The following NUSAP1 variants were observed in gnomAD, a reference collection of about 807,000 sequenced individuals.
NUSAP1 encodes nucleolar and spindle associated protein 1, also known as nucleolar and spindle-associated protein 1.
NUSAP1 carries 32 observed loss-of-function variants against 52.8 expected under a neutral mutation model. The observed-to-expected ratio is 0.61, with a 90% CI of 0.46 to 0.81. The LOEUF is 0.81. NUSAP1 is among the 40% of genes least tolerant of loss of function. The probability of loss-of-function intolerance (pLI) is 0.00; values close to 1 mark genes in which losing one functional copy is unlikely to be tolerated. For missense variants in NUSAP1, 499 were observed against 522.3 expected (o/e 0.96, Z 0.43); for synonymous variants, 195 against 183.1 (o/e 1.06, Z -0.52).
intron 6 of NUSAP1, among the ~76,000 whole-genome samples, chr15:41,365,164 T>A (rs2049340287): frequency 6.6e-6 from 1 of 152,124 alleles, no homozygotes; most frequent in Non-Finnish European, 1.5e-5. Context: ...GTCTTTTTGT[T>A]TGTTTTTTGT....
intron 7 of NUSAP1, 105 bp from the exon 8 acceptor site, chr15:41,371,422 G>T: frequency 2.3e-6 from 2 of 868,780 alleles, no homozygotes; most frequent in Non-Finnish European, 3.4e-6. Context: ...TATTAATTGA[G>T]GCCCTTTTCA....
chr15:41,371,759 C>T, intron 8 of NUSAP1, 75 bp downstream of exon 8: 1 of 1,477,850 alleles, frequency 6.8e-7, no homozygotes, highest in Non-Finnish European at 9.0e-7. Context: ...TTAGGTATAT[C>T]TGTTTTTTTT....
At chr15:41,355,896 T>C in intron 4 of NUSAP1, 143 bp from the exon 5 acceptor site, 1 of 563,446 alleles carries the variant, frequency 1.8e-6, no homozygotes, top group South Asian at 2.0e-5. Flanking sequence ...GCCAGGATGG[T>C]CTTGATCTTC....
Position 41,372,769 on chromosome 15 carries a change from A to C in NUSAP1, c.1006+1085A>C, listed in dbSNP as rs550907959. 2.6e-5 allele frequency among the ~76,000 whole-genome samples: 4 copies of C among 152,190 alleles called. No individual in the cohort carries two copies. In the South Asian group the frequency reaches 6.2e-4, roughly 24 times the overall value. On this transcript the variant is annotated intron_variant, in intron 8 of 10. Transcript: ENST00000559596. The stretch of plus-strand genomic sequence containing the variant: ...ATGTAGGCAAGGGTTCACATTTGGC[A>C]ATGACCTGTGGCTTCCCCCTATGAA...
intron 7 of NUSAP1, among the ~76,000 whole-genome samples, chr15:41,368,161 C>G (rs1387580063): frequency 2.6e-5 from 4 of 152,138 alleles, no homozygotes; most frequent in African/African-American, 9.7e-5. Flanking sequence ...GCTGACAGCA[C>G]TCTGAAATAT....
intron 10 of NUSAP1, among the ~76,000 whole-genome samples, chr15:41,378,944 GTTTTTTTTTT>G (rs1187469450): frequency 2.7e-4 from 17 of 63,258 alleles, no homozygotes; most frequent in East Asian, 1.2e-3. Flanking sequence ...ACTTATCTTG[GTTTTTTTTTT>G]TTTTTTTTTT....
intron 1 of NUSAP1, among the ~76,000 whole-genome samples, chr15:41,335,548 G>A (rs1342567682): frequency 7.4e-6 from 1 of 134,530 alleles, no homozygotes; most frequent in Non-Finnish European, 1.5e-5. Context: ...ATACTAATAT[G>A]TATACTAAAT....
chr15:41,375,700 G>A lies in NUSAP1; in HGVS notation c.1007-12G>A. 6.5e-7 allele frequency: 1 copy of A among 1,542,768 alleles called. No homozygotes were observed. Among genetic ancestry groups the A allele is most frequent in the Non-Finnish European group, 9.0e-7 (1 of 1,116,686 alleles). On this transcript the variant is annotated splice_polypyrimidine_tract_variant and intron_variant, in intron 8 of 10. Transcript: ENST00000559596. The stretch of plus-strand genomic sequence containing the variant: ...CTAATTAAGCTCTTGGGTTTTTTCG[G>A]TGTGTTTTTAGTTATTACCCCATTC...
chr15:41,379,402 T>G (rs769493809), intron 10 of NUSAP1, among the ~76,000 whole-genome samples: 49 of 152,204 alleles, frequency 3.2e-4, no homozygotes, highest in Middle Eastern at 3.4e-3. Context: ...GCACAAGGGA[T>G]CCTCCCACCT....
At chr15:41,379,925 C>T (rs779309991) in intron 10 of NUSAP1, among the ~76,000 whole-genome samples, 168 bp from the exon 11 acceptor site, 3 of 152,118 alleles carry the variant, frequency 2.0e-5, no homozygotes, top group Non-Finnish European at 4.4e-5. Context: ...CAATGACGAA[C>T]AGGTGTTAGA....
At chr15:41,337,459 C>A (rs1172800499) in intron 1 of NUSAP1, among the ~76,000 whole-genome samples, 1 of 152,000 alleles carries the variant, frequency 6.6e-6, no homozygotes, top group East Asian at 1.9e-4. Context: ...CAATTAGAGC[C>A]TCTCTCCTCA....
chr15:41,365,726 T>A (rs1187084177), intron 7 of NUSAP1, 137 bp downstream of exon 7: 2 of 404,588 alleles, frequency 4.9e-6, no homozygotes, highest in African/African-American at 2.1e-5. Flanking sequence ...TTCTTTTTCT[T>A]TTTTTTTTTT....
chr15:41,366,703 A>C (rs1431852446), intron 7 of NUSAP1, among the ~76,000 whole-genome samples: 2 of 151,928 alleles, frequency 1.3e-5, no homozygotes, highest in African/African-American at 4.8e-5. Flanking sequence ...TATTATTTTG[A>C]ATTCTTTTTC....
intron 1 of NUSAP1, among the ~76,000 whole-genome samples, chr15:41,337,172 T>G (rs1270487002): frequency 1.3e-5 from 2 of 151,954 alleles, no homozygotes; most frequent in Non-Finnish European, 2.9e-5. Context: ...ATGACCACCC[T>G]GCCTGGCCAG....
At chr15:41,359,613 A>C (rs1226258280) in intron 6 of NUSAP1, among the ~76,000 whole-genome samples, 8 of 149,144 alleles carry the variant, frequency 5.4e-5, no homozygotes, top group Admixed American at 4.7e-4. Context: ...CCACTGTTAC[A>C]ACCATTTTTT....
chr15:41,347,042 T>G (rs933584936), intron 2 of NUSAP1, among the ~76,000 whole-genome samples: 4 of 151,762 alleles, frequency 2.6e-5, no homozygotes, highest in African/African-American at 9.7e-5. Context: ...CATGGTGGCA[T>G]GTACCTGTAA....
chr15:41,363,376 A>T (rs1329413227), intron 6 of NUSAP1, among the ~76,000 whole-genome samples: 1 of 145,440 alleles, frequency 6.9e-6, no homozygotes. Context: ...AATTATATAC[A>T]TATATATATA....
intron 8 of NUSAP1, 68 bp from the exon 9 acceptor site, chr15:41,375,644 C>G: frequency 2.9e-6 from 3 of 1,032,046 alleles, no homozygotes; most frequent in Non-Finnish European, 4.6e-6. Flanking sequence ...AGAAGTAACA[C>G]TTTGATAAAC....
chr15:41,347,224 T>C (rs1425261783), intron 2 of NUSAP1, among the ~76,000 whole-genome samples: 2 of 152,130 alleles, frequency 1.3e-5, no homozygotes, highest in Middle Eastern at 3.4e-3. Flanking sequence ...GCCAAATAAA[T>C]AGACTATCAA....
Sources: gnomAD v4.1 joint callset for allele counts (sites outside exome capture counted in the v4.1 genomes callset) on GRCh38, gnomAD v4.1.1 for gene constraint, MANE v1.5 for transcripts, NCBI Gene and HGNC (gene_info 2026-07-23, HGNC 2026-07-21) for gene names.